PKHD1: variants seen among roughly 807,000 people sequenced by gnomAD.
PKHD1 encodes PKHD1 ciliary IPT domain containing fibrocystin/polyductin, also known as fibrocystin.
Under a neutral mutation model 412.0 loss-of-function variants are expected in PKHD1, and 291 were observed. That is an observed-to-expected ratio of 0.71 (90% CI 0.64 to 0.78). The LOEUF is 0.78. Among genes scored for constraint, PKHD1 ranks in the 30% least tolerant of loss-of-function variants. The pLI is 0.00. For missense variants in PKHD1, 4,825 were observed against 4,950.7 expected (o/e 0.97, Z 0.76); for synonymous variants, 1,777 against 1,821.5 (o/e 0.98, Z 0.62).
At chr6:52,046,305 C>G in intron 23 of PKHD1, 117 bp from the exon 24 acceptor site, 1 of 848,448 alleles carries the variant, frequency 1.2e-6, no homozygotes, top group East Asian at 2.5e-5. Context: ...TTCAGGAGAC[C>G]CTTCTGTCAA....
chr6:52,071,107 C>G, intron 8 of PKHD1, 37 bp from the exon 9 acceptor site: 1 of 1,322,790 alleles, frequency 7.6e-7, no homozygotes, highest in Non-Finnish European at 1.1e-6. Context: ...AATGACCAGA[C>G]AACTCACTAC....
chr6:51,764,320 T>A (rs1281948336), intron 55 of PKHD1, among the ~76,000 whole-genome samples: 2 of 148,348 alleles, frequency 1.3e-5, no homozygotes, highest in Non-Finnish European at 3.0e-5. Flanking sequence ...AAAATGCTCA[T>A]CATCACCAGC....
chr6:52,076,249 T>A, intron 6 of PKHD1, 27 bp downstream of exon 6: 1 of 1,517,550 alleles, frequency 6.6e-7, no homozygotes, highest in East Asian at 2.3e-5. Context: ...TTCACAATTA[T>A]TCCTATTTTA....
At chr6:51,789,987 A>AT (rs544258695) in intron 53 of PKHD1, among the ~76,000 whole-genome samples, 1 of 152,108 alleles carries the variant, frequency 6.6e-6, no homozygotes, top group African/African-American at 2.4e-5. Context: ...AAAGGTTTTG[A>AT]TTTTTTTGTC....
At chr6:52,046,647 A>G (rs1412868621) in intron 23 of PKHD1, among the ~76,000 whole-genome samples, 1 of 152,260 alleles carries the variant, frequency 6.6e-6, no homozygotes, top group Admixed American at 6.5e-5. Context: ...TGGCCAGCCC[A>G]GCTGAGGAAT....
intron 53 of PKHD1, 130 bp downstream of exon 53, chr6:51,791,106 C>T: frequency 1.1e-6 from 1 of 879,578 alleles, no homozygotes; most frequent in South Asian, 1.3e-5. Flanking sequence ...TTTACTGGTG[C>T]ACTCACTACT....
chr6:52,061,365 G>A (rs537035691), intron 14 of PKHD1, among the ~76,000 whole-genome samples: 4 of 152,034 alleles, frequency 2.6e-5, no homozygotes, highest in South Asian at 2.1e-4. Flanking sequence ...TATTTTTTAC[G>A]TTTTAGAGAC....
chr6:51,940,399 C>T (rs989222677), intron 36 of PKHD1, among the ~76,000 whole-genome samples: 4 of 151,648 alleles, frequency 2.6e-5, no homozygotes, highest in Non-Finnish European at 5.9e-5. Flanking sequence ...ACTCCAAATG[C>T]CTGAACCGCA....
intron 49 of PKHD1, 107 bp from the exon 50 acceptor site, chr6:51,848,077 G>A (rs1771531259): frequency 1.3e-6 from 1 of 760,960 alleles, no homozygotes; most frequent in African/African-American, 1.7e-5. Flanking sequence ...AACGCAGATG[G>A]AGTAGTTTAG....
At chr6:51,676,276 A>G (rs1327736456) in intron 60 of PKHD1, among the ~76,000 whole-genome samples, 1 of 150,162 alleles carries the variant, frequency 6.7e-6, no homozygotes, top group Non-Finnish European at 1.5e-5. Context: ...TCTATTCTTT[A>G]TTTAGAAAAA....
chr6:51,952,998 T>G (rs903085859), intron 36 of PKHD1, among the ~76,000 whole-genome samples: 2 of 152,136 alleles, frequency 1.3e-5, no homozygotes, highest in Non-Finnish European at 2.9e-5. Flanking sequence ...GTGCATTGAT[T>G]TGAGGACCAG....
At chr6:52,071,276 C>G (rs1197445713) in intron 8 of PKHD1, among the ~76,000 whole-genome samples, 1 of 151,050 alleles carries the variant, frequency 6.6e-6, no homozygotes, top group African/African-American at 2.4e-5. Context: ...TTAGTAATAC[C>G]CTAAGCATTT....
intron 55 of PKHD1, among the ~76,000 whole-genome samples, chr6:51,770,107 T>C (rs894923367): frequency 1.3e-5 from 2 of 151,776 alleles, no homozygotes; most frequent in Non-Finnish European, 3.0e-5. Flanking sequence ...CATGTTCTTC[T>C]TGTTTTCTTT....
chr6:52,015,910 A>T (rs2128127411), intron 34 of PKHD1, among the ~76,000 whole-genome samples: 1 of 152,360 alleles, frequency 6.6e-6, no homozygotes, highest in East Asian at 1.9e-4. Context: ...TGATATTCAT[A>T]GGTAAAGCTA....
At chr6:51,690,152 G>C (rs1010319060) in intron 60 of PKHD1, among the ~76,000 whole-genome samples, 6 of 151,610 alleles carry the variant, frequency 4.0e-5, no homozygotes, top group African/African-American at 1.5e-4. Context: ...TGCACCTGTA[G>C]ACCCAGCTAC....
intron 60 of PKHD1, among the ~76,000 whole-genome samples, chr6:51,675,354 T>A (rs775138934): frequency 6.6e-6 from 1 of 152,188 alleles, no homozygotes; most frequent in Non-Finnish European, 1.5e-5. Flanking sequence ...GTAATGATTA[T>A]CTTTCTCCCT....
chr6:51,824,798 G>A (rs146895361), intron 52 of PKHD1, among the ~76,000 whole-genome samples: 239 of 152,102 alleles, frequency 1.6e-3, no homozygotes, highest in African/African-American at 5.3e-3. Context: ...CTAAGAAGAG[G>A]CTCTGGTCAC....
intron 64 of PKHD1, among the ~76,000 whole-genome samples, chr6:51,635,861 G>C (rs1156992827): frequency 4.2e-5 from 5 of 119,868 alleles, no homozygotes; most frequent in African/African-American, 5.8e-5. Context: ...GTGAAGGTGG[G>C]GGGGGGCGGG....
rs532055897 is a variant in PKHD1, at chr6:51,632,682, G to C, written c.11548C>G (p.Pro3850Ala). The C allele has an allele frequency of 6.2e-7, 1 of 1,613,478 alleles. No individual in the cohort carries two copies. The highest frequency in any genetic ancestry group is 1.1e-5 in the South Asian group (1 of 91,040). The change falls in exon 65 of 67, where the codon CCT becomes GCT. Residue 3850 changes from proline (P) to alanine (A), a missense_variant. Physicochemically the swap from Pro to Ala is conservative, Grantham distance 27. Coordinates refer to ENST00000371117, the MANE Select transcript of PKHD1 (RefSeq NM_138694.4). ...TARSKPFAVLPVTRKEKSTII... is the reference protein window; with the variant it reads ...TARSKPFAVLAVTRKEKSTII... Reference sequence around the variant, plus strand: ...GTCGACTTCTCCTTCCTAGTCACAGGCAAGACAGCAAATGGCTTGGATCGA... The same window carrying C: ...GTCGACTTCTCCTTCCTAGTCACAGCCAAGACAGCAAATGGCTTGGATCGA...
Sources: allele counts gnomAD v4.1 joint callset (sites outside exome capture counted in the v4.1 genomes callset), GRCh38; gene constraint gnomAD v4.1.1; transcripts MANE v1.5; gene names NCBI Gene and HGNC (gene_info 2026-07-23, HGNC 2026-07-21).